MAP3K2: variants seen among roughly 807,000 people sequenced by gnomAD.
MAP3K2 encodes the protein MAP/ERK kinase kinase 2.
MAP3K2 carries 24 observed loss-of-function variants against 80.3 expected under a neutral mutation model. That is an observed-to-expected ratio of 0.30 (90% CI 0.22 to 0.42). MAP3K2 has a LOEUF of 0.42. MAP3K2 is among the 10% of genes least tolerant of loss of function. MAP3K2 has a pLI of 1.00. For synonymous variants in MAP3K2, 244 were observed against 253.7 expected, an observed-to-expected ratio of 0.96 and a Z score of 0.36; for missense variants, 608 against 750.1, an observed-to-expected ratio of 0.81 and a Z score of 2.21.
intron 1 of MAP3K2, among the ~76,000 whole-genome samples, chr2:127,373,853 T>C (rs1169310446): frequency 2.0e-5 from 3 of 152,230 alleles, no homozygotes; most frequent in African/African-American, 7.2e-5. Flanking sequence ...TCAGGATTCC[T>C]TTAAGTAAAA....
In MAP3K2 at chr2:127,304,239, GAA is replaced by G. The variant is rs1286502930; in HGVS notation, c.*3338_*3339del. 6.6e-6 allele frequency: 1 copy of G among 152,054 alleles called. No homozygotes were observed. Among genetic ancestry groups the G allele is most frequent in the Non-Finnish European group, 1.5e-5 (1 of 67,992 alleles). The allele number at this position is 152,054 out of a possible 1,614,324, so 9.4% of individuals were successfully genotyped here. Reference sequence around the variant, plus strand: ...TGTTTTGTAAACAAGGAAAAGTGCTGAAAATTTTCAAGATATTCATACTGAAA... The same window carrying G: ...TGTTTTGTAAACAAGGAAAAGTGCTGAATTTTCAAGATATTCATACTGAAA... On this transcript the variant is annotated 3_prime_UTR_variant, in exon 17 of 17. Coordinates refer to ENST00000682094, the MANE Select transcript of MAP3K2 (RefSeq NM_001371910.2).
chr2:127,334,620 T>C (rs1686328827), intron 5 of MAP3K2, among the ~76,000 whole-genome samples: 1 of 152,008 alleles, frequency 6.6e-6, no homozygotes, highest in Admixed American at 6.6e-5. Flanking sequence ...TAATTTTACT[T>C]TTTTGTAGAG....
At chr2:127,350,684 A>C (rs1447917487) in intron 1 of MAP3K2, among the ~76,000 whole-genome samples, 1 of 152,068 alleles carries the variant, frequency 6.6e-6, no homozygotes, top group Non-Finnish European at 1.5e-5. Context: ...GAAAAGTGTG[A>C]TGAGGAATGA....
intron 12 of MAP3K2, among the ~76,000 whole-genome samples, chr2:127,319,673 A>AAAAAAAAG (rs1558975361): frequency 7.7e-5 from 11 of 142,490 alleles, no homozygotes; most frequent in African/African-American, 2.9e-4. Flanking sequence ...AAAAAAAAAA[A>AAAAAAAAG]AAAAAGAAAA....
chr2:127,326,523 G>A (rs529575103), intron 8 of MAP3K2, among the ~76,000 whole-genome samples, 164 bp downstream of exon 8: 1 of 152,112 alleles, frequency 6.6e-6, no homozygotes, highest in Non-Finnish European at 1.5e-5. Flanking sequence ...ACAGGCACAT[G>A]TAAATTAATG....
intron 5 of MAP3K2, among the ~76,000 whole-genome samples, chr2:127,330,825 A>G (rs936131125): frequency 6.6e-6 from 1 of 152,220 alleles, no homozygotes. Flanking sequence ...CGCCCCTAAA[A>G]AGAATGAAGA....
chr2:127,308,458 C>A, intron 16 of MAP3K2, 127 bp downstream of exon 16: 1 of 787,294 alleles, frequency 1.3e-6, no homozygotes, highest in Non-Finnish European at 2.0e-6. Context: ...TAGTGTTAAT[C>A]TTCGCAATTC....
At chr2:127,382,515 T>C (rs1461145643) in intron 1 of MAP3K2, among the ~76,000 whole-genome samples, 1 of 152,252 alleles carries the variant, frequency 6.6e-6, no homozygotes, top group African/African-American at 2.4e-5. Flanking sequence ...TTTATTTCAC[T>C]TTTCATTGTG....
intron 1 of MAP3K2, among the ~76,000 whole-genome samples, chr2:127,373,822 T>C (rs984966391): frequency 6.6e-6 from 1 of 152,164 alleles, no homozygotes; most frequent in Non-Finnish European, 1.5e-5. Flanking sequence ...AATCAGTTGC[T>C]AGGTTATGAC....
Position 127,318,301 on chromosome 2 carries a change from G to T in MAP3K2, c.1062C>A (p.Thr354=). The change falls in exon 13 of 17, where the codon ACC becomes ACA. Residue 354 remains threonine, a synonymous_variant. Transcript: ENST00000682094. ...CAAGCAGTTTGCCCAATCTCCAGTT[G>T]GTCGGAGCTCGAGGTGCTGAAAAAG... ...SPPSRSPRAP[T]NWRLGKLLGQ... The T allele has an allele frequency of 6.3e-7, 1 of 1,596,034 alleles. No individual in the cohort carries two copies. Among genetic ancestry groups the T allele is most frequent in the Non-Finnish European group, 8.5e-7 (1 of 1,173,380 alleles).
intron 1 of MAP3K2, among the ~76,000 whole-genome samples, chr2:127,363,238 CGTT>C (rs1188173265): frequency 6.6e-6 from 1 of 151,862 alleles, no homozygotes. Flanking sequence ...CACTGCCTCT[CGTT>C]GTTTGTTTAT....
At chr2:127,323,495 G>A (rs980519542) in intron 11 of MAP3K2, among the ~76,000 whole-genome samples, 11 of 152,174 alleles carry the variant, frequency 7.2e-5, no homozygotes, top group African/African-American at 2.7e-4. Flanking sequence ...GACCAGCCTG[G>A]GCAACATGGT....
chr2:127,352,075 C>G (rs1005601421), intron 1 of MAP3K2, among the ~76,000 whole-genome samples: 1 of 151,990 alleles, frequency 6.6e-6, no homozygotes. Flanking sequence ...CACGGTTTTG[C>G]TATGTTGCCC....
At chr2:127,349,285 C>A (rs1009063258) in intron 1 of MAP3K2, among the ~76,000 whole-genome samples, 1 of 152,016 alleles carries the variant, frequency 6.6e-6, no homozygotes. Flanking sequence ...TGCAGCCTCT[C>A]AAGTAGCTGG....
chr2:127,379,026 T>G (rs545795787), intron 1 of MAP3K2, among the ~76,000 whole-genome samples: 1 of 147,696 alleles, frequency 6.8e-6, no homozygotes, highest in Non-Finnish European at 1.5e-5. Context: ...TTCCTCATGT[T>G]GCCTAGGCTG....
chr2:127,326,732 A>T lies in MAP3K2; in HGVS notation c.552T>A (p.Thr184=). The T allele has an allele frequency of 6.2e-7, 1 of 1,608,340 alleles. No homozygotes were observed. The highest frequency in any genetic ancestry group is 8.5e-7 in the Non-Finnish European group (1 of 1,177,396). The change falls in exon 8 of 17, where the codon ACT becomes ACA. Residue 184 remains threonine, a synonymous_variant. Transcript: ENST00000682094. ...TGAACTCTCCTTCACTGTTGATACT[A>T]GTGAATGACCCATTCCGGGCAACCT... The part of the protein sequence containing the change: ...LHQVARNGSF[T]SINSEGEFIP...
intron 5 of MAP3K2, among the ~76,000 whole-genome samples, chr2:127,332,904 C>T (rs985254671): frequency 4.6e-5 from 7 of 152,032 alleles, no homozygotes; most frequent in Non-Finnish European, 8.8e-5. Flanking sequence ...CTGAGGTATG[C>T]GGGTCGCTTG....
chr2:127,351,765 GCT>G (rs1284003458), intron 1 of MAP3K2, among the ~76,000 whole-genome samples: 1 of 152,050 alleles, frequency 6.6e-6, no homozygotes, highest in Admixed American at 6.5e-5. Context: ...GAATGTTAAT[GCT>G]CTCTCTCTGT....
intron 1 of MAP3K2, among the ~76,000 whole-genome samples, chr2:127,354,354 C>T (rs921012234): frequency 6.7e-6 from 1 of 150,188 alleles, no homozygotes; most frequent in South Asian, 2.1e-4. Flanking sequence ...TATTTGGTAA[C>T]CCCTTGTATT....
Sources: allele counts gnomAD v4.1 joint callset (sites outside exome capture counted in the v4.1 genomes callset), GRCh38; gene constraint gnomAD v4.1.1; transcripts MANE v1.5; gene names NCBI Gene and HGNC (gene_info 2026-07-23, HGNC 2026-07-21).